FER1L5: variants seen among roughly 807,000 people sequenced by gnomAD.
The protein encoded by FER1L5 is fer-1 like family member 5, also known as fer-1-like protein 5.
In FER1L5, 187 loss-of-function variants were observed where a neutral mutation model predicts 279.9. The ratio of observed to expected loss-of-function variants is 0.67; its 90% CI spans 0.59 to 0.75. The LOEUF is 0.75. FER1L5 is among the 30% of genes least tolerant of loss of function. The pLI, the probability that FER1L5 is intolerant of heterozygous loss-of-function variation, is 0.00. For synonymous variants in FER1L5, 921 were observed against 989.7 expected (o/e 0.93, Z 1.30); for missense variants, 2,091 against 2,594.4 (o/e 0.81, Z 4.21).
chr2:96,665,787 T>C (rs2076106402), intron 14 of FER1L5, among the ~76,000 whole-genome samples: 1 of 152,100 alleles, frequency 6.6e-6, no homozygotes, highest in Admixed American at 6.5e-5. Context: ...GGTTTCACCA[T>C]GTTGGCCAGG....
At position 96,691,922 on chromosome 2, in the gene FER1L5, C is replaced by A. The variant is rs182279361; in HGVS notation, c.3173C>A (p.Thr1058Asn). The change falls in exon 30 of 53, where the codon ACC becomes AAC. Residue 1058 changes from threonine (T) to asparagine (N), a missense_variant. By Grantham distance (65) the Thr-to-Asn change is moderately conservative. Transcript: ENST00000624922. The surrounding 1 kb of genome is among the most constrained non-coding windows in gnomAD (Gnocchi z 6.0). ...TTCAGGGACCCCCAGAGGCAGGACA[C>A]CCGGCCCCCCAACTTGCCCTTCATC... ...RQFRDPQRQD[T>N]RPPNLPFIYC... The A allele has an allele frequency of 2.0e-3, 3,059 of 1,551,106 alleles. 13 individuals carry two copies. The highest frequency in any genetic ancestry group is 9.8e-3 in the African/African-American group (717 of 73,076).
At position 96,677,588 on chromosome 2, in the gene FER1L5, G is replaced by A. The variant is rs181454380; in HGVS notation, c.1669+4334G>A. ...TTAGCTATTAAGAATAAAGCTGCCC[G>A]GGCACGGTGGCTCACTCCTGTAATC... On this transcript the variant is annotated intron_variant, in intron 19 of 52. Coordinates refer to ENST00000624922, the MANE Select transcript of FER1L5 (RefSeq NM_001293083.2). 1.2e-4 allele frequency among the ~76,000 whole-genome samples: 19 copies of A among 152,116 alleles called. No homozygotes were observed. In the East Asian group the frequency reaches 1.5e-3, roughly 12 times the overall value.
chr2:96,646,592 G>T (rs2075140720), intron 2 of FER1L5, 139 bp downstream of exon 2: 8 of 877,644 alleles, frequency 9.1e-6, no homozygotes, highest in Non-Finnish European at 1.2e-5. Flanking sequence ...GGGCATCTTG[G>T]CCTGGGAGTA....
At chr2:96,672,718 T>C (rs2076373579) in intron 18 of FER1L5, among the ~76,000 whole-genome samples, 1 of 151,796 alleles carries the variant, frequency 6.6e-6, no homozygotes, top group African/African-American at 2.4e-5. Flanking sequence ...CTATCCACAT[T>C]GTGTCTTCTG....
At chr2:96,688,093 G>GA in intron 24 of FER1L5, 146 bp downstream of exon 24, 1 of 1,149,092 alleles carries the variant, frequency 8.7e-7, no homozygotes, top group Non-Finnish European at 1.2e-6. Flanking sequence ...TGAAGAGGAA[G>GA]AAAAAATTCC....
intron 45 of FER1L5, 61 bp from the exon 46 acceptor site, chr2:96,701,894 G>C (rs1182946650): frequency 8.4e-6 from 13 of 1,549,514 alleles, no homozygotes; most frequent in Admixed American, 1.8e-5. Context: ...GGGAACCCCA[G>C]GCCAGCCTGC....
In FER1L5 at chr2:96,703,147, G is replaced by C; in HGVS notation, c.5498-6G>C. 1.2e-6 allele frequency: 2 copies of C among 1,612,704 alleles called. No individual in the cohort carries two copies. Among genetic ancestry groups the C allele is most frequent in the Non-Finnish European group, 1.7e-6 (2 of 1,178,948 alleles). On this transcript the variant is annotated splice_region_variant and splice_polypyrimidine_tract_variant and intron_variant, in intron 49 of 52. Transcript: ENST00000624922. ...CTTCTTGCTGATGTCATTTTTCTGG[G>C]CTCAGGGGTCCTGGAGCTGGATTTG...
At chr2:96,677,961 G>A (rs1274766085) in intron 19 of FER1L5, among the ~76,000 whole-genome samples, 1 of 151,802 alleles carries the variant, frequency 6.6e-6, no homozygotes, top group East Asian at 1.9e-4. Context: ...TTTCCAAAGT[G>A]GCCACACCAT....
At chr2:96,686,467 G>C in intron 23 of FER1L5, 117 bp downstream of exon 23, 2 of 1,180,754 alleles carry the variant, frequency 1.7e-6, no homozygotes, top group Non-Finnish European at 2.3e-6. Flanking sequence ...TAACCACATG[G>C]AATGGGGTTG....
intron 3 of FER1L5, 59 bp downstream of exon 3, chr2:96,647,214 T>C (rs2075171998): frequency 6.7e-7 from 1 of 1,497,320 alleles, no homozygotes; most frequent in East Asian, 2.5e-5. Flanking sequence ...GCAAGTTATG[T>C]GATCCTTGTC....
At chr2:96,682,220 G>T (rs976321984) in intron 19 of FER1L5, among the ~76,000 whole-genome samples, 21 of 152,168 alleles carry the variant, frequency 1.4e-4, no homozygotes. Context: ...CCAGGTAGCT[G>T]GGATTACAGC....
Position 96,650,253 on chromosome 2 carries a change from G to T in FER1L5, c.468G>T (p.Ala156=). ...AACTGATGGTCCCTGGCTCCACTGC[G>T]CACAGGGCTCTGTCCTCAAAGCCTC... ...SQKLMVPGST[A]HRALSSKPQH... Residue 156 remains alanine (A), a synonymous_variant, in exon 6 of 53, where the codon GCG becomes GCT. Transcript: ENST00000624922. The T allele has an allele frequency of 1.3e-6, 2 of 1,551,698 alleles. No individual in the cohort carries two copies. The highest frequency in any genetic ancestry group is 2.4e-5 in the East Asian group (1 of 40,922).
In FER1L5 at chr2:96,702,711, G is replaced by A. The variant is rs370459110; in HGVS notation, c.5367G>A (p.Ala1789=). The part of the protein sequence containing the change: ...WRFIFTMDYL[A]AERTCVQSQK... ...TCATCTTTACCATGGACTACCTGGCGGCGGAGCGCACGTGTGTCCAGAGCC... is the reference window on the plus strand; with the variant it reads ...TCATCTTTACCATGGACTACCTGGCAGCGGAGCGCACGTGTGTCCAGAGCC... Residue 1789 remains alanine (A), a synonymous_variant, in exon 48 of 53, where the codon GCG becomes GCA. Coordinates refer to ENST00000624922, the MANE Select transcript of FER1L5 (RefSeq NM_001293083.2). The surrounding 1 kb of genome is among the most constrained non-coding windows in gnomAD (Gnocchi z 4.0). 132 of 1,612,954 alleles carry A rather than the reference G, an allele frequency of 8.2e-5. No homozygotes were observed. The highest frequency in any genetic ancestry group is 1.0e-4 in the Non-Finnish European group (120 of 1,179,642).
Position 96,698,256 on chromosome 2 carries a change from T to C in FER1L5, c.4356+100T>C. On this transcript the variant is annotated intron_variant, in intron 40 of 52. Coordinates refer to ENST00000624922, the MANE Select transcript of FER1L5 (RefSeq NM_001293083.2). This position sits in a 1 kb window ranked among gnomAD's most constrained non-coding sequence, Gnocchi z 5.5. ...TGGCTCTATATGCTCATTGTGAAGATGGAGCAGGGCTTGAGAACGTTCTGG... is the reference window on the plus strand; with the variant it reads ...TGGCTCTATATGCTCATTGTGAAGACGGAGCAGGGCTTGAGAACGTTCTGG... 6.9e-7 allele frequency: 1 copy of C among 1,452,534 alleles called. No homozygotes were observed. The highest frequency in any genetic ancestry group is 1.4e-5 in the South Asian group (1 of 71,486). The allele number at this position is 1,452,534 out of a possible 1,614,324, so 90.0% of individuals were successfully genotyped here.
At position 96,667,787 on chromosome 2, in the gene FER1L5, G is replaced by C. The variant is rs192828298; in HGVS notation, c.1141-964G>C. On this transcript the variant is annotated intron_variant, in intron 14 of 52. Coordinates refer to ENST00000624922, the MANE Select transcript of FER1L5 (RefSeq NM_001293083.2). Reference sequence around the variant, plus strand: ...TTCAGACTGCGAGGGGCTGTATGAGGACAGTAATATCTACCAGCCCACAGT... The same window carrying C: ...TTCAGACTGCGAGGGGCTGTATGAGCACAGTAATATCTACCAGCCCACAGT... 1.5e-4 allele frequency among the ~76,000 whole-genome samples: 23 copies of C among 152,372 alleles called. No homozygotes were observed. In the East Asian group the frequency reaches 4.4e-3, roughly 29 times the overall value.
chr2:96,686,227 G>C lies in FER1L5; in HGVS notation c.2106G>C (p.Trp702Cys). Residue 702 changes from tryptophan (W) to cysteine (C), a missense_variant, in exon 23 of 53, where the codon TGG (tryptophan) becomes TGC (cysteine). Trp to Cys is a radical substitution (Grantham distance 215). Transcript: ENST00000624922. ...TGGGCCTCCCTGACGTGATGATTTGGCTGGTGGCCAAGGAGCAGCGAGTGG... is the reference window on the plus strand; with the variant it reads ...TGGGCCTCCCTGACGTGATGATTTGCCTGGTGGCCAAGGAGCAGCGAGTGG... ...PQMGLPDVMI[W>C]LVAKEQRVAY... 1 of 1,551,362 alleles carries C rather than the reference G, an allele frequency of 6.4e-7. No homozygotes were observed. The highest frequency in any genetic ancestry group is 8.7e-7 in the Non-Finnish European group (1 of 1,146,748).
Position 96,681,014 on chromosome 2 carries a change from G to A in FER1L5, c.1670-3313G>A, listed in dbSNP as rs1220871486. The stretch of plus-strand genomic sequence containing the variant: ...ATTGGGATTGCAGGCGTGAGCCGCC[G>A]TTGCCCTGCCTCTTTAAAAAATAAT... On this transcript the variant is annotated intron_variant, in intron 19 of 52. Transcript: ENST00000624922. Among the ~76,000 whole-genome samples, 15 of 152,342 alleles carry A rather than the reference G, an allele frequency of 9.8e-5. No individual in the cohort carries two copies. In the South Asian group the frequency reaches 2.1e-3, roughly 21 times the overall value.
At chr2:96,647,210 T>C in intron 3 of FER1L5, 55 bp downstream of exon 3, 1 of 1,501,684 alleles carries the variant, frequency 6.7e-7, no homozygotes, top group Middle Eastern at 1.7e-4. Context: ...AGCAGCAAGT[T>C]ATGTGATCCT....
intron 37 of FER1L5, among the ~76,000 whole-genome samples, chr2:96,696,982 G>A (rs552322661): frequency 9.2e-5 from 14 of 152,248 alleles, no homozygotes; most frequent in South Asian, 2.1e-4. Context: ...TAGCTCAAGC[G>A]ATCCTCCCAC....
Sources: gnomAD v4.1 joint callset for allele counts (sites outside exome capture counted in the v4.1 genomes callset) on GRCh38, gnomAD v4.1.1 for gene constraint, Gnocchi (gnomAD v3.1) non-coding constraint, MANE v1.5 for transcripts, NCBI Gene and HGNC (gene_info 2026-07-23, HGNC 2026-07-21) for gene names.